The following IGF1R variants were observed in gnomAD, a reference collection of about 807,000 sequenced individuals.
IGF1R encodes insulin like growth factor 1 receptor, also known as insulin-like growth factor 1 receptor.
Under a neutral mutation model 144.6 loss-of-function variants are expected in IGF1R, and 44 were observed. The ratio of observed to expected loss-of-function variants is 0.30; its 90% CI spans 0.24 to 0.39. The LOEUF (loss-of-function observed/expected upper bound fraction) is 0.39. Ranked by LOEUF, IGF1R falls within the 10% of genes least tolerant of loss-of-function variation. The pLI, the probability that IGF1R is intolerant of heterozygous loss-of-function variation, is 1.00. For synonymous variants in IGF1R, 795 were observed against 722.8 expected (o/e 1.10, Z -1.60); for missense variants, 1,355 against 1,833.7 (o/e 0.74, Z 4.77).
intron 2 of IGF1R, among the ~76,000 whole-genome samples, chr15:98,748,143 C>T (rs2054914769): frequency 6.6e-6 from 1 of 152,168 alleles, no homozygotes; most frequent in Admixed American, 6.5e-5. Flanking sequence ...TTTACTTCTG[C>T]ATGCACAACT....
intron 2 of IGF1R, among the ~76,000 whole-genome samples, chr15:98,864,005 C>G (rs549272932): frequency 6.6e-6 from 1 of 152,290 alleles, no homozygotes; most frequent in Admixed American, 6.5e-5. Flanking sequence ...TGCCTGTTAT[C>G]CCAGCACTTT....
chr15:98,712,825 G>T (rs911641248), intron 2 of IGF1R, among the ~76,000 whole-genome samples: 1 of 150,648 alleles, frequency 6.6e-6, no homozygotes, highest in Admixed American at 6.6e-5. Flanking sequence ...AACCAGGCTG[G>T]TCTCGAACTC....
chr15:98,946,687 G>A (rs7162314), intron 19 of IGF1R, among the ~76,000 whole-genome samples: 103,786 of 152,110 alleles, frequency 0.68, 36,968 homozygotes, highest in Non-Finnish European at 0.79. Flanking sequence ...GGCACAAATC[G>A]GAGTTCAGTG....
Position 98,697,881 on chromosome 15 carries a change from G to A in IGF1R, c.95-9681G>A, listed in dbSNP as rs549337042. Among the ~76,000 whole-genome samples, 14 of 151,718 alleles carry A rather than the reference G, an allele frequency of 9.2e-5. No individual in the cohort carries two copies. The South Asian group carries it at 1.9e-3, about 20-fold the overall frequency. On this transcript the variant is annotated intron_variant, in intron 1 of 20. Transcript: ENST00000650285. ...GCCACCCGAGTAGCTGGAATTACAC[G>A]CGCCCGCCACCATGCCTGGCTAACT...
At chr15:98,853,092 C>T (rs995393234) in intron 2 of IGF1R, among the ~76,000 whole-genome samples, 5 of 152,134 alleles carry the variant, frequency 3.3e-5, no homozygotes, top group Admixed American at 1.3e-4. Flanking sequence ...GTGGTTTTCT[C>T]GTTATTGTTG....
intron 2 of IGF1R, among the ~76,000 whole-genome samples, chr15:98,789,539 A>G (rs997038891): frequency 4.6e-5 from 7 of 152,100 alleles, no homozygotes; most frequent in South Asian, 2.1e-4. Flanking sequence ...GTCAGCTTAT[A>G]TTGCAACATT....
At chr15:98,664,549 C>T (rs2052680879) in intron 1 of IGF1R, among the ~76,000 whole-genome samples, 1 of 151,920 alleles carries the variant, frequency 6.6e-6, no homozygotes, top group African/African-American at 2.4e-5. Flanking sequence ...CCTGTAATCC[C>T]AGCTACTCAG....
intron 2 of IGF1R, among the ~76,000 whole-genome samples, chr15:98,751,769 T>C (rs1255369934): frequency 6.6e-6 from 1 of 152,234 alleles, no homozygotes; most frequent in African/African-American, 2.4e-5. Flanking sequence ...CCTATGCTTC[T>C]AAAGCCTATG....
rs989656055 is a variant in IGF1R, at chr15:98,960,019, C to T, written c.*2577C>T. On this transcript the variant is annotated 3_prime_UTR_variant, in exon 21 of 21. Transcript: ENST00000650285. ...GTGTGTGTGTGTGAGAGTGATGGGA[C>T]AGTTCTTGATTTTTTGGGTTTTTTT... The T allele has an allele frequency of 4.3e-6, 1 of 232,938 alleles. No individual in the cohort carries two copies. Among genetic ancestry groups the T allele is most frequent in the African/African-American group, 2.2e-5 (1 of 45,158 alleles). 14.4% of individuals were successfully genotyped at this position (232,938 alleles called of 1,614,324 possible).
chr15:98,843,247 A>G (rs1015802323), intron 2 of IGF1R, among the ~76,000 whole-genome samples: 5 of 152,250 alleles, frequency 3.3e-5, no homozygotes, highest in Non-Finnish European at 7.3e-5. Context: ...GAAAGTTAGA[A>G]TATTGGGAAT....
chr15:98,859,162 C>T (rs2012004243), intron 2 of IGF1R, among the ~76,000 whole-genome samples: 1 of 151,938 alleles, frequency 6.6e-6, no homozygotes. Flanking sequence ...ATTGCAGTTA[C>T]AAAGCCCATG....
At chr15:98,672,870 C>T (rs769969036) in intron 1 of IGF1R, among the ~76,000 whole-genome samples, 10 of 152,096 alleles carry the variant, frequency 6.6e-5, no homozygotes, top group East Asian at 5.8e-4. Context: ...TCAGTGATTT[C>T]GTAAGGGTTA....
At chr15:98,785,742 T>C (rs2055977214) in intron 2 of IGF1R, among the ~76,000 whole-genome samples, 1 of 152,132 alleles carries the variant, frequency 6.6e-6, no homozygotes, top group Non-Finnish European at 1.5e-5. Context: ...GCCTGTATTA[T>C]TTTTCCTTGG....
At chr15:98,784,947 CTG>C (rs2055955266) in intron 2 of IGF1R, among the ~76,000 whole-genome samples, 1 of 152,252 alleles carries the variant, frequency 6.6e-6, no homozygotes, top group African/African-American at 2.4e-5. Context: ...TGAGGGATGA[CTG>C]TATTTACAAC....
chr15:98,937,625 C>T (rs993707102), intron 17 of IGF1R, among the ~76,000 whole-genome samples: 3 of 152,172 alleles, frequency 2.0e-5, no homozygotes, highest in African/African-American at 7.2e-5. Flanking sequence ...TATCTCACTA[C>T]GAGTAGGTGT....
rs555267347 is a variant in IGF1R, at chr15:98,866,767, A to G, written c.641-24558A>G. 2.6e-5 allele frequency among the ~76,000 whole-genome samples: 4 copies of G among 152,310 alleles called. No homozygotes were observed. In the East Asian group the frequency reaches 7.7e-4, roughly 29 times the overall value. On this transcript the variant is annotated intron_variant, in intron 2 of 20. Transcript: ENST00000650285. ...AACCAGAAATAGATAAGCACGAGTG[A>G]GGGGTGATGTCCGCTTGTTTGCTCC...
At chr15:98,884,918 G>A (rs1215715153) in intron 2 of IGF1R, among the ~76,000 whole-genome samples, 1 of 152,052 alleles carries the variant, frequency 6.6e-6, no homozygotes, top group East Asian at 1.9e-4. Context: ...CTACCTCAGG[G>A]CACACCATCT....
chr15:98,858,615 AG>A (rs1190610382), intron 2 of IGF1R, among the ~76,000 whole-genome samples: 1 of 152,228 alleles, frequency 6.6e-6, no homozygotes, highest in Non-Finnish European at 1.5e-5. Context: ...ATAAAGGCTT[AG>A]AGAACTCTGG....
intron 2 of IGF1R, among the ~76,000 whole-genome samples, chr15:98,729,764 G>A (rs1387769859): frequency 6.6e-6 from 1 of 151,324 alleles, no homozygotes; most frequent in Non-Finnish European, 1.5e-5. Flanking sequence ...CTAACAGTAG[G>A]TCCTGGCTGG....
Sources: allele counts gnomAD v4.1 joint callset (sites outside exome capture counted in the v4.1 genomes callset), GRCh38; gene constraint gnomAD v4.1.1; transcripts MANE v1.5; gene names NCBI Gene and HGNC (gene_info 2026-07-23, HGNC 2026-07-21).